SAMMSON: variants seen among roughly 807,000 people sequenced by gnomAD.
SAMMSON encodes survival associated mitochondrial melanoma specific oncogenic non-coding RNA.
At chr3:70,033,677 C>T (rs915556104) in intron 3 of SAMMSON, among the ~76,000 whole-genome samples, 2 of 151,852 alleles carry the variant, frequency 1.3e-5, no homozygotes, top group African/African-American at 4.8e-5. Context: ...TTGTAACAGG[C>T]CAGGTGAGAG....
rs138062347 is a variant in SAMMSON at position 70,138,419 on chromosome 3, C to G, written n.507+66854C>G. 8.0e-4 allele frequency among the ~76,000 whole-genome samples: 122 copies of G among 152,154 alleles called. 1 individual carries two copies. In the East Asian group the frequency reaches 0.022, roughly 27 times the overall value. ...TAGGTGGCTGTTTTTTCCCTGTAAC[C>G]TCACGTGGCAGAAGGGGTGAGAGAT... On this transcript the variant is annotated intron_variant and non_coding_transcript_variant, in intron 4 of 9. Coordinates refer to ENST00000642114, the Ensembl canonical transcript of SAMMSON.
At chr3:70,192,358 GTCC>G (rs1339877741) in intron 4 of SAMMSON, among the ~76,000 whole-genome samples, 2 of 152,186 alleles carry the variant, frequency 1.3e-5, no homozygotes, top group African/African-American at 4.8e-5. Context: ...TTGGCTGAGG[GTCC>G]TCCTCAGTTG....
chr3:70,163,005 T>C (rs6549284), intron 4 of SAMMSON, among the ~76,000 whole-genome samples: 149,867 of 151,754 alleles, frequency 0.99, 74,028 homozygotes, highest in East Asian at 1. Flanking sequence ...CTATTTCTAT[T>C]TTTTTACTTT....
At chr3:70,025,200 A>T (rs1474662712) in intron 3 of SAMMSON, 1 of 152,206 alleles carries the variant, frequency 6.6e-6, no homozygotes, top group Non-Finnish European at 1.5e-5. Flanking sequence ...CCATAGTTTT[A>T]TGTTAATGCT....
At chr3:70,028,641 A>G (rs1200780955) in intron 3 of SAMMSON, among the ~76,000 whole-genome samples, 2 of 152,212 alleles carry the variant, frequency 1.3e-5, no homozygotes, top group Non-Finnish European at 2.9e-5. Flanking sequence ...GGTAGAAGAC[A>G]TTCCTTTGGG....
At chr3:70,017,019 G>C (rs375057385) in intron 3 of SAMMSON, among the ~76,000 whole-genome samples, 1 of 152,070 alleles carries the variant, frequency 6.6e-6, no homozygotes, top group Non-Finnish European at 1.5e-5. Context: ...GTCAGGTAGC[G>C]TGATGCCTCC....
At chr3:70,292,906 A>G (rs760956032) in intron 7 of SAMMSON, among the ~76,000 whole-genome samples, 1 of 152,086 alleles carries the variant, frequency 6.6e-6, no homozygotes, top group Non-Finnish European at 1.5e-5. Flanking sequence ...GCTTTAGAAT[A>G]TTTATGATTT....
intron 2 of SAMMSON, among the ~76,000 whole-genome samples, chr3:70,427,608 C>T (rs539525087): frequency 1.2e-3 from 182 of 152,052 alleles, no homozygotes; most frequent in African/African-American, 4.1e-3. Context: ...CATGGTGGCG[C>T]GCGCCTGTAG....
intron 7 of SAMMSON, among the ~76,000 whole-genome samples, chr3:70,323,957 G>GTTCTACCTCAGGCTCATGGA (rs1702557270): frequency 6.6e-6 from 1 of 152,046 alleles, no homozygotes; most frequent in Non-Finnish European, 1.5e-5. Context: ...AAACTCATGG[G>GTTCTACCTCAGGCTCATGGA]TTCTACCTCA....
chr3:70,324,084 A>G (rs570894234), intron 7 of SAMMSON, among the ~76,000 whole-genome samples: 2 of 152,252 alleles, frequency 1.3e-5, no homozygotes, highest in African/African-American at 4.8e-5. Context: ...TGACAGCCCT[A>G]CAGGGACTGT....
intron 8 of SAMMSON, among the ~76,000 whole-genome samples, chr3:70,355,831 A>G (rs1471120768): frequency 6.6e-6 from 1 of 152,160 alleles, no homozygotes; most frequent in Non-Finnish European, 1.5e-5. Context: ...TGAAATTCCA[A>G]ACGAAGGAAC....
At chr3:70,379,594 C>T (rs1424196550) in intron 9 of SAMMSON, among the ~76,000 whole-genome samples, 1 of 152,134 alleles carries the variant, frequency 6.6e-6, no homozygotes, top group Non-Finnish European at 1.5e-5. Context: ...GCTTTGATAG[C>T]TTCCCTCTTC....
At chr3:70,009,403 T>C (rs2066944216) in intron 1 of SAMMSON, 1 of 152,230 alleles carries the variant, frequency 6.6e-6, no homozygotes, top group South Asian at 2.1e-4. Flanking sequence ...ATCCATTTCT[T>C]CTAGATTTTC....
At chr3:70,043,266 ACT>A (rs1479666367) in intron 3 of SAMMSON, among the ~76,000 whole-genome samples, 2 of 152,136 alleles carry the variant, frequency 1.3e-5, no homozygotes, top group African/African-American at 4.8e-5. Flanking sequence ...TTGTTTTATC[ACT>A]GCATCTCACG....
rs143831740 is a variant in SAMMSON, at chr3:70,131,667, A to G, written n.507+60102A>G. On this transcript the variant is annotated intron_variant and non_coding_transcript_variant, in intron 4 of 9. Transcript: ENST00000642114. ...ATGATCATGGCTCATTGCAGCCTCA[A>G]CCTCCTAAACTCAAACGATTCTCTC... Among the ~76,000 whole-genome samples, 81 of 152,204 alleles carry G rather than the reference A, an allele frequency of 5.3e-4. 1 individual carries two copies. Among genetic ancestry groups the G allele is most frequent in the South Asian group, 1.2e-3 (6 of 4,816 alleles).
chr3:70,119,246 T>C (rs1165470168), intron 4 of SAMMSON, among the ~76,000 whole-genome samples: 2 of 152,018 alleles, frequency 1.3e-5, no homozygotes, highest in Non-Finnish European at 2.9e-5. Flanking sequence ...TTTATATTTT[T>C]AGTAGAGACA....
chr3:70,145,445 C>T (rs1447279575), intron 4 of SAMMSON, among the ~76,000 whole-genome samples: 2 of 152,050 alleles, frequency 1.3e-5, no homozygotes, highest in African/African-American at 2.4e-5. Flanking sequence ...CAGATCATAT[C>T]CTGGGACATA....
At chr3:70,126,418 T>C in intron 4 of SAMMSON, 2 of 754,022 alleles carry the variant, frequency 2.7e-6, no homozygotes, top group Non-Finnish European at 4.7e-6. Context: ...AAGCTGTATG[T>C]TTCAGCTGCC....
At chr3:70,151,640 CA>C (rs1422499843) in intron 4 of SAMMSON, among the ~76,000 whole-genome samples, 2 of 151,958 alleles carry the variant, frequency 1.3e-5, no homozygotes, top group Non-Finnish European at 2.9e-5. Context: ...AATGATAAAA[CA>C]GTGATACATT....
Sources: allele counts gnomAD v4.1 joint callset (sites outside exome capture counted in the v4.1 genomes callset), GRCh38; gene constraint gnomAD v4.1.1; transcripts MANE v1.5; gene names NCBI Gene and HGNC (gene_info 2026-07-23, HGNC 2026-07-21).